Variants in ZNF569 observed in about 807,000 individuals in gnomAD.
The protein encoded by ZNF569 is DNA-binding protein.
A neutral mutation model predicts 56.3 loss-of-function variants in ZNF569; 38 were observed. That is an observed-to-expected ratio of 0.68 (90% CI 0.52 to 0.88). The LOEUF (loss-of-function observed/expected upper bound fraction) is 0.88, where lower values mean the gene tolerates loss of function less well. Ranked by LOEUF, ZNF569 falls within the 40% of genes least tolerant of loss-of-function variation. The pLI is 0.00. For missense variants in ZNF569, 666 were observed against 809.2 expected, an observed-to-expected ratio of 0.82 and a Z score of 2.15; for synonymous variants, 241 against 262.9, an observed-to-expected ratio of 0.92 and a Z score of 0.81.
intron 3 of ZNF569, among the ~76,000 whole-genome samples, chr19:37,434,906 C>T (rs540527478): frequency 6.6e-6 from 1 of 152,208 alleles, no homozygotes; most frequent in East Asian, 1.9e-4. Flanking sequence ...TCCCACCACC[C>T]TTTGCTGACT....
rs2040835700 is a variant in ZNF569 at position 37,411,176 on chromosome 19, TAAAG to T, written c.*1417_*1420del. ...GTCATATTTGCTTTCACTCTTTTAT[TAAAG>T]AAATATTACAGATAAATATAACAAC... On this transcript the variant is annotated 3_prime_UTR_variant, in exon 6 of 6. Transcript: ENST00000316950. The T allele has an allele frequency of 6.6e-6, 1 of 152,142 alleles. No homozygotes were observed. Among genetic ancestry groups the T allele is most frequent in the African/African-American group, 2.4e-5 (1 of 41,426 alleles). The allele number at this position is 152,142 out of a possible 1,614,324, so 9.4% of individuals were successfully genotyped here. A position where few individuals can be genotyped will look rare whatever the true frequency, so the allele number is the denominator to read the frequency against.
chr19:37,437,388 A>T (rs1244946326), intron 3 of ZNF569, among the ~76,000 whole-genome samples: 1 of 152,222 alleles, frequency 6.6e-6, no homozygotes, highest in African/African-American at 2.4e-5. Context: ...CCGAATGGGG[A>T]AAAACAGAAA....
chr19:37,415,755 C>G (rs1223533151), intron 5 of ZNF569, among the ~76,000 whole-genome samples: 1 of 151,544 alleles, frequency 6.6e-6, no homozygotes. Flanking sequence ...TGGCGGGCAC[C>G]TCTAGTCTCA....
chr19:37,444,598 AG>A (rs1471128900), intron 3 of ZNF569, among the ~76,000 whole-genome samples: 1 of 152,196 alleles, frequency 6.6e-6, no homozygotes, highest in Non-Finnish European at 1.5e-5. Context: ...ATCAATGAAA[AG>A]CTTATTTCTG....
chr19:37,463,754 C>A (rs953935077), intron 2 of ZNF569, among the ~76,000 whole-genome samples: 6 of 152,074 alleles, frequency 3.9e-5, no homozygotes, highest in African/African-American at 1.4e-4. Flanking sequence ...TGAAGACCTT[C>A]CAGTGGAACA....
intron 3 of ZNF569, among the ~76,000 whole-genome samples, chr19:37,433,495 A>G (rs539998269): frequency 1.1e-3 from 164 of 152,340 alleles, no homozygotes; most frequent in African/African-American, 3.5e-3. Flanking sequence ...TTCAAGTACA[A>G]GAAGGTTATA....
Position 37,413,448 on chromosome 19 carries a change from G to C in ZNF569, c.1210C>G (p.His404Asp). Residue 404 changes from histidine to aspartate, a missense_variant, in exon 6 of 6, where the codon CAC becomes GAC. By Grantham distance (81) the His-to-Asp change is moderately conservative (BLOSUM62 -1). Transcript: ENST00000316950. ...CATTCATAGGGTTTCTCACCAGTGT[G>C]ACTTCTCATATGTACAGTAAGGGCT... ...SSALTVHMRS[H>D]TGEKPYECKE... is the part of the protein sequence containing the mutation. 6.2e-7 allele frequency: 1 copy of C among 1,613,868 alleles called. No homozygotes were observed. Among genetic ancestry groups the C allele is most frequent in the Admixed American group, 1.7e-5 (1 of 59,996 alleles).
Position 37,439,591 on chromosome 19 carries a change from A to G in ZNF569, c.15+5316T>C, listed in dbSNP as rs77052408. 7.2e-5 allele frequency among the ~76,000 whole-genome samples: 11 copies of G among 152,372 alleles called. No homozygotes were observed. The East Asian group carries it at 1.7e-3, about 24-fold the overall frequency. On this transcript the variant is annotated intron_variant, in intron 3 of 5. Coordinates refer to ENST00000316950, the MANE Select transcript of ZNF569 (RefSeq NM_152484.3). Reference sequence around the variant, plus strand: ...GAAAGGAAATCAGTGTATTAAAGAGATATCTGTACTCCCTTATTTATTGCT... The same window carrying G: ...GAAAGGAAATCAGTGTATTAAAGAGGTATCTGTACTCCCTTATTTATTGCT...
chr19:37,412,563 T>G lies in ZNF569; in HGVS notation c.*34A>C, dbSNP rs770800306. On this transcript the variant is annotated 3_prime_UTR_variant, in exon 6 of 6. Transcript: ENST00000316950. ...GCAATGAGGTGTTAATTCCTTCAGA[T>G]GGCCTTGCCATATTCACAATATTCA... The G allele has an allele frequency of 6.5e-7, 1 of 1,536,118 alleles. No individual in the cohort carries two copies.
intron 2 of ZNF569, among the ~76,000 whole-genome samples, chr19:37,457,776 T>G (rs1037979249): frequency 6.6e-6 from 1 of 152,112 alleles, no homozygotes; most frequent in African/African-American, 2.4e-5. Context: ...ACATGGGACA[T>G]GTATACATAT....
In ZNF569 at chr19:37,412,993, A is replaced by T. The variant is rs758973476; in HGVS notation, c.1665T>A (p.Cys555Ter). The change falls in exon 6 of 6, where the codon TGT (cysteine) becomes TGA (stop). Residue 555 changes from cysteine to a stop codon, truncating the protein, a stop_gained. Transcript: ENST00000316950. LOFTEE classifies it high-confidence loss of function. The stretch of plus-strand genomic sequence containing the variant: ...GTGAGCACTGAGAGAAGGCTTTACC[A>T]CATTTATCACATTCATAAGGCTTTT... Reference protein sequence around the residue: ...TGEKPYECDKCGKAFSQCSLL... With the variant: ...TGEKPYECDK 1 of 1,613,740 alleles carries T rather than the reference A, an allele frequency of 6.2e-7. No individual in the cohort carries two copies. Among genetic ancestry groups the T allele is most frequent in the East Asian group, 2.2e-5 (1 of 44,852 alleles).
intron 5 of ZNF569, among the ~76,000 whole-genome samples, chr19:37,419,027 G>T (rs540240425): frequency 1.3e-5 from 2 of 152,266 alleles, no homozygotes; most frequent in East Asian, 3.9e-4. Context: ...TCATTATGGT[G>T]ATTTGGATTT....
intron 5 of ZNF569, among the ~76,000 whole-genome samples, chr19:37,423,190 C>T (rs979014498): frequency 8.5e-5 from 13 of 152,054 alleles, no homozygotes; most frequent in African/African-American, 3.1e-4. Flanking sequence ...TTATCAAAAA[C>T]TAATGCCAAA....
chr19:37,468,082 T>G (rs534015515), upstream of ZNF569: 498 of 659,132 alleles, frequency 7.6e-4, no homozygotes, highest in Non-Finnish European at 1.1e-3. Context: ...TTTTTTTTTT[T>G]TTGTTTGTTT....
chr19:37,423,414 T>C (rs985587143), intron 5 of ZNF569, among the ~76,000 whole-genome samples: 3 of 149,158 alleles, frequency 2.0e-5, no homozygotes, highest in African/African-American at 7.3e-5. Flanking sequence ...CAGTCTAACA[T>C]TGACATTAAA....
chr19:37,435,484 T>C (rs1017370410), intron 3 of ZNF569, among the ~76,000 whole-genome samples: 2 of 152,128 alleles, frequency 1.3e-5, no homozygotes, highest in Non-Finnish European at 2.9e-5. Flanking sequence ...AATAATAACA[T>C]TGAATGTAAA....
At chr19:37,460,407 TGC>T (rs2041738416) in intron 2 of ZNF569, among the ~76,000 whole-genome samples, 1 of 152,130 alleles carries the variant, frequency 6.6e-6, no homozygotes. Context: ...CCTCCCAAAG[TGC>T]TGGGATTACA....
intron 2 of ZNF569, among the ~76,000 whole-genome samples, chr19:37,445,475 A>G (rs2041477958): frequency 6.6e-6 from 1 of 152,150 alleles, no homozygotes; most frequent in African/African-American, 2.4e-5. Flanking sequence ...AAAGAAATAA[A>G]AGGCATCCAA....
chr19:37,465,878 A>C (rs2041823517), intron 1 of ZNF569, among the ~76,000 whole-genome samples: 1 of 152,266 alleles, frequency 6.6e-6, no homozygotes, highest in Non-Finnish European at 1.5e-5. Flanking sequence ...GAAGCTACAG[A>C]GAACTAAATC....
Sources: gnomAD v4.1 joint callset for allele counts (sites outside exome capture counted in the v4.1 genomes callset) on GRCh38, gnomAD v4.1.1 for gene constraint, MANE v1.5 for transcripts, NCBI Gene and HGNC (gene_info 2026-07-23, HGNC 2026-07-21) for gene names.